FHIP1A: variants seen among roughly 807,000 people sequenced by gnomAD.
FHIP1A encodes the protein FHF complex subunit HOOK-interacting protein 1A.
FHIP1A carries 61 observed loss-of-function variants against 88.6 expected under a neutral mutation model. The ratio of observed to expected loss-of-function variants is 0.69; its 90% CI spans 0.56 to 0.85. FHIP1A has a LOEUF of 0.85. Ranked by LOEUF, FHIP1A falls within the 40% of genes least tolerant of loss-of-function variation. The probability of loss-of-function intolerance (pLI) is 0.00; values close to 1 mark genes in which losing one functional copy is unlikely to be tolerated. For synonymous variants in FHIP1A, 478 were observed against 496.0 expected (o/e 0.96, Z 0.48); for missense variants, 1,154 against 1,273.5 (o/e 0.91, Z 1.43).
chr4:151,546,836 A>T (rs1732520980), intron 3 of FHIP1A, among the ~76,000 whole-genome samples: 1 of 152,220 alleles, frequency 6.6e-6, no homozygotes. Context: ...TATCTCAAAA[A>T]ATGTTTTCTG....
intron 1 of FHIP1A, among the ~76,000 whole-genome samples, chr4:151,423,733 G>A (rs1446957170): frequency 6.6e-6 from 1 of 152,188 alleles, no homozygotes; most frequent in African/African-American, 2.4e-5. Context: ...CTGTGGGGGA[G>A]GTTCAAAAGG....
At chr4:151,520,052 T>C (rs143227117) in intron 3 of FHIP1A, among the ~76,000 whole-genome samples, 1 of 152,330 alleles carries the variant, frequency 6.6e-6, no homozygotes, top group East Asian at 1.9e-4. Flanking sequence ...TTCTCTTTAC[T>C]AACCATATCT....
At chr4:151,500,772 A>G (rs367662803) in intron 3 of FHIP1A, among the ~76,000 whole-genome samples, 2 of 152,352 alleles carry the variant, frequency 1.3e-5, no homozygotes, top group East Asian at 3.9e-4. Flanking sequence ...AGACATTTCC[A>G]GGAAAAAAGC....
intron 7 of FHIP1A, among the ~76,000 whole-genome samples, chr4:151,603,415 A>C (rs563534142): frequency 5.3e-5 from 8 of 151,576 alleles, no homozygotes; most frequent in African/African-American, 1.9e-4. Flanking sequence ...TTGATGCCAC[A>C]CTCTGAACTC....
In FHIP1A at chr4:151,553,558, G is replaced by T. The variant is rs1185003046; in HGVS notation, c.-122-12580G>T. ...AATCAGTTTTGTTTATATTTCTATC[G>T]TGTATTAGAATTACTAACCAGTTGG... On this transcript the variant is annotated intron_variant, in intron 3 of 13. Transcript: ENST00000435205. 2.0e-5 allele frequency among the ~76,000 whole-genome samples: 3 copies of T among 151,898 alleles called. 1 individual carries two copies. The South Asian group carries it at 6.3e-4, about 32-fold the overall frequency.
chr4:151,656,701 AT>A lies in FHIP1A; in HGVS notation c.2731-58del. 1 of 1,508,518 alleles carries A rather than the reference AT, an allele frequency of 6.6e-7. No homozygotes were observed. The allele number at this position is 1,508,518 out of a possible 1,614,324, so 93.4% of individuals were successfully genotyped here. ...AGGGTGCTACCTGCAAGATATATTG[AT>A]AACTGGGAGTGGAATTTCATGGTGA... is the stretch of plus-strand genomic sequence containing the variant. On this transcript the variant is annotated intron_variant, in intron 12 of 13. Transcript: ENST00000435205. The surrounding 1 kb of genome is among the most constrained non-coding windows in gnomAD (Gnocchi z 4.2).
rs1282503719 is a variant in FHIP1A at position 151,666,058 on chromosome 4, T to TA, written c.*3307dup. ...TCAATTCATAATTCAGGGCCCGACT[T>TA]AAAGTTCCAGACTGAGTGACTTCTG... On this transcript the variant is annotated 3_prime_UTR_variant, in exon 14 of 14. Transcript: ENST00000435205. Among the ~76,000 whole-genome samples, 2 of 152,242 alleles carry TA rather than the reference T, an allele frequency of 1.3e-5. No individual in the cohort carries two copies. Among genetic ancestry groups the TA allele is most frequent in the Non-Finnish European group, 2.9e-5 (2 of 68,042 alleles).
chr4:151,563,264 A>G (rs1277023446), intron 3 of FHIP1A, among the ~76,000 whole-genome samples: 1 of 152,086 alleles, frequency 6.6e-6, no homozygotes, highest in Non-Finnish European at 1.5e-5. Flanking sequence ...AAAAAACTCA[A>G]CCACACCACA....
At chr4:151,567,970 G>T (rs1733453134) in intron 4 of FHIP1A, among the ~76,000 whole-genome samples, 1 of 152,114 alleles carries the variant, frequency 6.6e-6, no homozygotes, top group Non-Finnish European at 1.5e-5. Context: ...TTCTGCTGGG[G>T]TAACTGTGAT....
At chr4:151,651,969 G>A (rs1256095409) in intron 11 of FHIP1A, among the ~76,000 whole-genome samples, 1 of 152,200 alleles carries the variant, frequency 6.6e-6, no homozygotes, top group African/African-American at 2.4e-5. Flanking sequence ...AAGGGGGACA[G>A]GGAAGGGGGA....
intron 7 of FHIP1A, among the ~76,000 whole-genome samples, chr4:151,609,679 C>T (rs1735221113): frequency 6.6e-6 from 1 of 151,918 alleles, no homozygotes; most frequent in Non-Finnish European, 1.5e-5. Context: ...AAGGAGGCTC[C>T]CTGTAAGGCA....
chr4:151,662,390 C>T (rs1371439450), intron 13 of FHIP1A, 111 bp from the exon 14 acceptor site: 7 of 1,200,432 alleles, frequency 5.8e-6, no homozygotes, highest in Non-Finnish European at 8.0e-6. Flanking sequence ...AGGAACTGCA[C>T]TCATAACTAG....
chr4:151,658,286 C>CAA (rs1737325951), intron 13 of FHIP1A, among the ~76,000 whole-genome samples: 1 of 152,212 alleles, frequency 6.6e-6, no homozygotes, highest in Non-Finnish European at 1.5e-5. Context: ...ATTGGCTTAA[C>CAA]ACAAGGCCAT....
At chr4:151,580,164 A>G (rs996474132) in intron 5 of FHIP1A, among the ~76,000 whole-genome samples, 5 of 152,218 alleles carry the variant, frequency 3.3e-5, no homozygotes, top group Admixed American at 2.6e-4. Flanking sequence ...CTCCGTTAAT[A>G]TAGTAACAAC....
intron 7 of FHIP1A, among the ~76,000 whole-genome samples, chr4:151,591,611 G>T (rs540820516): frequency 6.6e-6 from 1 of 151,972 alleles, no homozygotes; most frequent in Non-Finnish European, 1.5e-5. Flanking sequence ...CTGGCCCCTG[G>T]CCCCCTGACA....
At chr4:151,463,988 T>C (rs966186449) in intron 2 of FHIP1A, among the ~76,000 whole-genome samples, 4 of 152,214 alleles carry the variant, frequency 2.6e-5, no homozygotes, top group African/African-American at 9.6e-5. Context: ...AACCTCTCAT[T>C]CTGATATAGC....
rs189326838 is a variant in FHIP1A, at chr4:151,501,195, A to G, written c.-123+18547A>G. 2.6e-4 allele frequency among the ~76,000 whole-genome samples: 40 copies of G among 152,316 alleles called. No individual in the cohort carries two copies. In the South Asian group the frequency reaches 3.3e-3, roughly 13 times the overall value. On this transcript the variant is annotated intron_variant, in intron 3 of 13. Coordinates refer to ENST00000435205, the MANE Select transcript of FHIP1A (RefSeq NM_001109977.3). ...GCAATTTGGGACATTTGGATCAACA[A>G]CTTTTTGGTTGTGAATCATGCTGCT...
chr4:151,629,330 TA>T (rs1409664060), intron 7 of FHIP1A, among the ~76,000 whole-genome samples: 1 of 152,238 alleles, frequency 6.6e-6, no homozygotes, highest in African/African-American at 2.4e-5. Flanking sequence ...AGAAACAAGT[TA>T]TTCCGGGCTT....
chr4:151,410,992 G>A (rs887821568), intron 1 of FHIP1A, among the ~76,000 whole-genome samples: 4 of 152,236 alleles, frequency 2.6e-5, no homozygotes, highest in African/African-American at 9.6e-5. Flanking sequence ...CATCACTGAA[G>A]TGGATTCAGA....
Sources: allele counts gnomAD v4.1 joint callset (sites outside exome capture counted in the v4.1 genomes callset), GRCh38; gene constraint gnomAD v4.1.1; non-coding constraint Gnocchi (gnomAD v3.1); transcripts MANE v1.5; gene names NCBI Gene and HGNC (gene_info 2026-07-23, HGNC 2026-07-21).